PAK6: variants seen among roughly 807,000 people sequenced by gnomAD.
PAK6 encodes the protein p21 (RAC1) activated kinase 6, also known as serine/threonine-protein kinase PAK 6.
Under a neutral mutation model 60.8 loss-of-function variants are expected in PAK6, and 33 were observed. That is an observed-to-expected ratio of 0.54 (90% CI 0.41 to 0.73). The LOEUF is 0.73. Among genes scored for constraint, PAK6 ranks in the 30% least tolerant of loss-of-function variants. The pLI is 0.00. For synonymous variants in PAK6, 404 were observed against 378.5 expected, an observed-to-expected ratio of 1.07 and a Z score of -0.78; for missense variants, 845 against 904.1, an observed-to-expected ratio of 0.93 and a Z score of 0.84.
exon 10 of PAK6, chr15:40,274,222 A>C: frequency 6.2e-7 from 1 of 1,613,660 alleles, no homozygotes. Flanking sequence ...CCCCAGTGCA[A>C]GCCATGAAGA....
At chr15:40,257,950 C>T (rs2038883582) in intron 3 of PAK6, among the ~76,000 whole-genome samples, 1 of 152,212 alleles carries the variant, frequency 6.6e-6, no homozygotes, top group Non-Finnish European at 1.5e-5. Context: ...CTGTGGGTCG[C>T]CTGGCTTCAG....
At chr15:40,258,015 C>T (rs576639051) in intron 3 of PAK6, among the ~76,000 whole-genome samples, 302 of 152,368 alleles carry the variant, frequency 2.0e-3, no homozygotes, top group African/African-American at 7.0e-3. Flanking sequence ...AGAACACACG[C>T]CTGCTGTTTC....
chr15:40,276,536 G>T (rs1454685443), exon 11 of PAK6: 1 of 159,616 alleles, frequency 6.3e-6, no homozygotes, highest in Non-Finnish European at 1.4e-5. Context: ...AGGGCCACGG[G>T]GTGGTTTTTA....
At chr15:40,250,689 A>T (rs573574705) in intron 2 of PAK6, 60 of 152,326 alleles carry the variant, frequency 3.9e-4, no homozygotes, top group African/African-American at 1.4e-3. Flanking sequence ...TAACATTCAT[A>T]CTTTATTGTA....
At chr15:40,257,658 C>T (rs2038873732) in intron 3 of PAK6, among the ~76,000 whole-genome samples, 1 of 152,252 alleles carries the variant, frequency 6.6e-6, no homozygotes, top group African/African-American at 2.4e-5. Context: ...AATGCCCATG[C>T]TCTGGCTTGA....
intron 2 of PAK6, among the ~76,000 whole-genome samples, chr15:40,243,486 T>C (rs1411907139): frequency 6.6e-6 from 1 of 152,214 alleles, no homozygotes; most frequent in African/African-American, 2.4e-5. Context: ...GTGAATGCTC[T>C]GAATGGCATG....
chr15:40,272,932 G>C, exon 7 of PAK6: 1 of 1,614,106 alleles, frequency 6.2e-7, no homozygotes, highest in Non-Finnish European at 8.5e-7. Flanking sequence ...CCTGGTGGGC[G>C]AGGAGCTGTG....
At chr15:40,261,055 A>C (rs1465090431) in intron 3 of PAK6, among the ~76,000 whole-genome samples, 3 of 151,774 alleles carry the variant, frequency 2.0e-5, no homozygotes, top group African/African-American at 7.3e-5. Flanking sequence ...CACCCGGCTA[A>C]TGTTTTGTAG....
chr15:40,255,912 T>A (rs763701850), intron 3 of PAK6, among the ~76,000 whole-genome samples: 1 of 152,146 alleles, frequency 6.6e-6, no homozygotes, highest in Non-Finnish European at 1.5e-5. Flanking sequence ...TGCACTACCA[T>A]CTCTTCTGGC....
chr15:40,239,629 T>G (rs2038259845), exon 1 of PAK6: 1 of 152,474 alleles, frequency 6.6e-6, no homozygotes, highest in African/African-American at 2.4e-5. Flanking sequence ...GCTGCCTGTG[T>G]GTGTCCTCTG....
chr15:40,272,688 G>A (rs1481443132), exon 6 of PAK6: 2 of 1,600,750 alleles, frequency 1.2e-6, no homozygotes, highest in Admixed American at 3.3e-5. Flanking sequence ...TGGACCTCAG[G>A]AAGCAGCAGC....
rs543124538 is a variant in PAK6, at chr15:40,263,416, C to T, written c.-5-1365C>T. ...TGCCATCAACATGTGATCCCAGGTC[C>T]GGGATCCCCTGAAGGCGAAACTAGA... On this transcript the variant is annotated intron_variant, in intron 3 of 10. Coordinates refer to ENST00000560346, the Ensembl canonical transcript of PAK6. Among the ~76,000 whole-genome samples the T allele has an allele frequency of 6.1e-4, 93 of 152,146 alleles. 2 individuals are homozygous for T. The highest frequency in any genetic ancestry group is 5.9e-4 in the Admixed American group (9 of 15,278).
chr15:40,275,058 C>G (rs986567608), intron 10 of PAK6, among the ~76,000 whole-genome samples: 1 of 152,276 alleles, frequency 6.6e-6, no homozygotes, highest in South Asian at 2.1e-4. Flanking sequence ...CCAAAATTAG[C>G]ATATAAAGAT....
intron 2 of PAK6, among the ~76,000 whole-genome samples, chr15:40,241,750 A>C (rs527839651): frequency 3.3e-5 from 5 of 152,204 alleles, no homozygotes; most frequent in Non-Finnish European, 7.4e-5. Context: ...GACTTGCCAG[A>C]CACAGGGAGG....
intron 2 of PAK6, among the ~76,000 whole-genome samples, chr15:40,242,559 A>G (rs571063924): frequency 1.3e-5 from 2 of 152,222 alleles, no homozygotes; most frequent in African/African-American, 4.8e-5. Context: ...TCCTTGGTAG[A>G]AAGAGGTGGA....
chr15:40,253,347 G>T (rs1235676572), intron 3 of PAK6, 58 bp downstream of exon 3: 2 of 448,208 alleles, frequency 4.5e-6, no homozygotes, highest in Non-Finnish European at 9.0e-6. Flanking sequence ...TGAAGAGCAG[G>T]CAGGGAGGGA....
intron 3 of PAK6, among the ~76,000 whole-genome samples, chr15:40,261,923 T>C (rs993100773): frequency 1.3e-5 from 2 of 152,096 alleles, no homozygotes; most frequent in Non-Finnish European, 2.9e-5. Context: ...GGCTCACTAT[T>C]AGAATGGACT....
chr15:40,248,033 C>T (rs2038544054), intron 2 of PAK6, among the ~76,000 whole-genome samples: 1 of 152,180 alleles, frequency 6.6e-6, no homozygotes, highest in Non-Finnish European at 1.5e-5. Context: ...ATTATTCCAC[C>T]ACCTTCCCCA....
intron 2 of PAK6, 130 bp downstream of exon 2, chr15:40,240,811 C>A: frequency 3.0e-6 from 1 of 332,080 alleles, no homozygotes. Flanking sequence ...GGTCAAGGGG[C>A]TCCACTCCCC....
Sources: allele counts gnomAD v4.1 joint callset (sites outside exome capture counted in the v4.1 genomes callset), GRCh38; gene constraint gnomAD v4.1.1; transcripts MANE v1.5; gene names NCBI Gene and HGNC (gene_info 2026-07-23, HGNC 2026-07-21).